The following GNAL variants were observed in gnomAD, a reference collection of about 807,000 sequenced individuals.
GNAL encodes the protein G protein subunit alpha L, also known as guanine nucleotide-binding protein G(olf) subunit alpha.
A neutral mutation model predicts 55.1 loss-of-function variants in GNAL; 18 were observed. That is an observed-to-expected ratio of 0.33 (90% CI 0.23 to 0.48). The LOEUF (loss-of-function observed/expected upper bound fraction) is 0.48. Ranked by LOEUF, GNAL falls within the 20% of genes least tolerant of loss-of-function variation. The pLI, the probability that GNAL is intolerant of heterozygous loss-of-function variation, is 0.99. For missense variants in GNAL, 412 were observed against 614.1 expected, an observed-to-expected ratio of 0.67 and a Z score of 3.48; for synonymous variants, 253 against 237.0, an observed-to-expected ratio of 1.07 and a Z score of -0.62.
At chr18:11,767,786 G>T (rs1322040368) in intron 4 of GNAL, among the ~76,000 whole-genome samples, 2 of 152,118 alleles carry the variant, frequency 1.3e-5, no homozygotes, top group Non-Finnish European at 2.9e-5. Flanking sequence ...ATCCCACCAG[G>T]TCTTGCTCTT....
At chr18:11,755,276 C>T (rs1179445396) in intron 4 of GNAL, among the ~76,000 whole-genome samples, 6 of 151,708 alleles carry the variant, frequency 4.0e-5, no homozygotes, top group Non-Finnish European at 7.4e-5. Context: ...TTTGTTTCTT[C>T]GTTTGTTTGT....
chr18:11,771,841 A>C (rs758096080), intron 4 of GNAL, among the ~76,000 whole-genome samples: 2 of 152,174 alleles, frequency 1.3e-5, no homozygotes, highest in Non-Finnish European at 2.9e-5. Context: ...CAGCCACCCC[A>C]GTAGCTGGAA....
At position 11,862,425 on chromosome 18, in the gene GNAL, G is replaced by A. The variant is rs2036167808; in HGVS notation, c.753G>A (p.Leu251=). Residue 251 remains leucine (L), a synonymous_variant, in exon 6 of 12, where the codon TTG becomes TTA. Coordinates refer to ENST00000334049, the MANE Select transcript of GNAL (RefSeq NM_182978.4). ...TGGAAAGAATCGACAGCGTCAGCTT[G>A]GTTGACTACACACCCACAGACCAGG... ...YFLERIDSVS[L]VDYTPTDQDL... is the part of the protein sequence containing the mutation. The A allele has an allele frequency of 6.2e-7, 1 of 1,613,398 alleles. No homozygotes were observed. Among genetic ancestry groups the A allele is most frequent in the South Asian group, 1.1e-5 (1 of 91,076 alleles).
At chr18:11,819,536 T>C (rs1261155510) in intron 4 of GNAL, among the ~76,000 whole-genome samples, 1 of 152,134 alleles carries the variant, frequency 6.6e-6, no homozygotes, top group Non-Finnish European at 1.5e-5. Context: ...TATTCACATA[T>C]ATCAGTTGCT....
chr18:11,838,052 G>T (rs1324355501), intron 5 of GNAL, among the ~76,000 whole-genome samples: 2 of 152,084 alleles, frequency 1.3e-5, no homozygotes, highest in Non-Finnish European at 2.9e-5. Context: ...GATTGCTTGA[G>T]CCCAGGAGGT....
At chr18:11,841,085 G>T (rs192028728) in intron 5 of GNAL, among the ~76,000 whole-genome samples, 325 of 151,872 alleles carry the variant, frequency 2.1e-3, no homozygotes, top group African/African-American at 7.6e-3. Flanking sequence ...TGTTGCCCAG[G>T]CTGGTCTTGA....
chr18:11,798,659 T>C (rs1397706114), intron 4 of GNAL, among the ~76,000 whole-genome samples: 1 of 152,248 alleles, frequency 6.6e-6, no homozygotes, highest in Non-Finnish European at 1.5e-5. Flanking sequence ...ACATTTGTCA[T>C]GTTCAAAATT....
chr18:11,765,992 C>A (rs1021578852), intron 4 of GNAL, among the ~76,000 whole-genome samples: 1 of 152,146 alleles, frequency 6.6e-6, no homozygotes, highest in Non-Finnish European at 1.5e-5. Flanking sequence ...GCATTTTGTT[C>A]TTATCGTTGC....
At chr18:11,725,066 G>A (rs2032183044) in intron 1 of GNAL, among the ~76,000 whole-genome samples, 2 of 152,142 alleles carry the variant, frequency 1.3e-5, no homozygotes, top group Non-Finnish European at 2.9e-5. Context: ...CTTGTTCTGG[G>A]CACCACTCAA....
chr18:11,849,470 C>T (rs750912239), intron 5 of GNAL, among the ~76,000 whole-genome samples: 1 of 147,500 alleles, frequency 6.8e-6, no homozygotes, highest in Non-Finnish European at 1.5e-5. Flanking sequence ...CTACTGCACT[C>T]CAGCCTGAGT....
chr18:11,722,511 A>G (rs946914845), intron 1 of GNAL, among the ~76,000 whole-genome samples: 1 of 152,200 alleles, frequency 6.6e-6, no homozygotes, highest in African/African-American at 2.4e-5. Flanking sequence ...ACTGTACCAT[A>G]AAGATGGGAG....
At chr18:11,774,465 T>C (rs2033722681) in intron 4 of GNAL, among the ~76,000 whole-genome samples, 1 of 152,240 alleles carries the variant, frequency 6.6e-6, no homozygotes, top group African/African-American at 2.4e-5. Flanking sequence ...TTGGTTTTCC[T>C]CTTTTTTGGT....
intron 5 of GNAL, among the ~76,000 whole-genome samples, chr18:11,858,870 G>T (rs1474576980): frequency 2.6e-5 from 4 of 152,142 alleles, no homozygotes; most frequent in Non-Finnish European, 4.4e-5. Context: ...CATTTTGGAG[G>T]TTGGCGACAG....
intron 4 of GNAL, among the ~76,000 whole-genome samples, chr18:11,761,242 C>G (rs2033232603): frequency 6.6e-6 from 1 of 152,318 alleles, no homozygotes; most frequent in African/African-American, 2.4e-5. Flanking sequence ...TCCCTTCTGT[C>G]CCATGCCAAG....
At chr18:11,771,952 C>T (rs545462775) in intron 4 of GNAL, among the ~76,000 whole-genome samples, 19 of 152,118 alleles carry the variant, frequency 1.2e-4, no homozygotes, top group African/African-American at 4.1e-4. Flanking sequence ...AACTCCTGAC[C>T]TCAGGTGATC....
chr18:11,689,639 C>T lies in GNAL; in HGVS notation c.76C>T (p.Pro26Ser). Residue 26 changes from proline (P) to serine (S), a missense_variant, in exon 1 of 12, where the codon CCG becomes TCG. Physicochemically the swap from Pro to Ser is moderately conservative, Grantham distance 74. Coordinates refer to ENST00000334049, the MANE Select transcript of GNAL (RefSeq NM_182978.4). ...GDDPCAASEP[P>S]VEDAQPAPAP... ...CGACCCCTGCGCGGCCTCGGAGCCG[C>T]CGGTGGAGGACGCGCAGCCCGCCCC... 1 of 1,383,418 alleles carries T rather than the reference C, an allele frequency of 7.2e-7. No individual in the cohort carries two copies. 85.7% of individuals were successfully genotyped at this position (1,383,418 alleles called of 1,614,324 possible). A position where few individuals can be genotyped will look rare whatever the true frequency, so the allele number is the denominator to read the frequency against.
Position 11,876,634 on chromosome 18 carries a change from A to G in GNAL, c.1176A>G (p.Ala392=), listed in dbSNP as rs776300528. Residue 392 remains alanine, a synonymous_variant, in exon 11 of 12, where the codon GCA becomes GCG. Transcript: ENST00000334049. ...YTVPEDATPD[A]GEDPKVTRAK... Reference sequence around the variant, plus strand: ...TCATTTCTACAGCAACACCAGATGCAGGAGAAGATCCCAAAGTTACAAGAG... The same window carrying G: ...TCATTTCTACAGCAACACCAGATGCGGGAGAAGATCCCAAAGTTACAAGAG... 1 of 1,599,196 alleles carries G rather than the reference A, an allele frequency of 6.3e-7. No homozygotes were observed. The highest frequency in any genetic ancestry group is 1.7e-5 in the Admixed American group (1 of 59,998).
chr18:11,806,080 G>T (rs118060954), intron 4 of GNAL, among the ~76,000 whole-genome samples: 1 of 152,120 alleles, frequency 6.6e-6, no homozygotes, highest in Admixed American at 6.5e-5. Context: ...GTTTTAATTT[G>T]CATTTATCTG....
At chr18:11,855,845 G>T (rs925948252) in intron 5 of GNAL, among the ~76,000 whole-genome samples, 5 of 146,272 alleles carry the variant, frequency 3.4e-5, no homozygotes, top group Admixed American at 1.3e-4. Context: ...GGTGGCACAT[G>T]CCTGTAATCC....
Sources: allele counts gnomAD v4.1 joint callset (sites outside exome capture counted in the v4.1 genomes callset), GRCh38; gene constraint gnomAD v4.1.1; transcripts MANE v1.5; gene names NCBI Gene and HGNC (gene_info 2026-07-23, HGNC 2026-07-21).